Variants in LGALS4 observed in about 807,000 individuals in gnomAD.
The protein encoded by LGALS4 is galectin 4.
LGALS4 carries 37 observed loss-of-function variants against 39.6 expected under a neutral mutation model. The observed-to-expected ratio is 0.93, with a 90% confidence interval of 0.72 to 1.23. The LOEUF (loss-of-function observed/expected upper bound fraction) is 1.23, where lower values mean the gene tolerates loss of function less well. Ranked by LOEUF, LGALS4 falls within the 50% of genes most tolerant of loss-of-function variation. LGALS4 has a pLI of 0.00. For synonymous variants in LGALS4, 160 were observed against 165.5 expected, an observed-to-expected ratio of 0.97 and a Z score of 0.25; for missense variants, 397 against 433.2, an observed-to-expected ratio of 0.92 and a Z score of 0.74.
chr19:38,803,342 C>T (rs542411153), intron 7 of LGALS4, 180 bp downstream of exon 7: 2 of 641,996 alleles, frequency 3.1e-6, no homozygotes, highest in African/African-American at 3.6e-5. Context: ...TGAGAGGTCC[C>T]ACTCCTCCTG....
At chr19:38,804,499 A>C (rs1971399262) in intron 4 of LGALS4, among the ~76,000 whole-genome samples, 1 of 152,034 alleles carries the variant, frequency 6.6e-6, no homozygotes, top group Non-Finnish European at 1.5e-5. Context: ...GGCTGGTCTC[A>C]AACTCCCGAC....
intron 6 of LGALS4, 92 bp from the exon 7 acceptor site, chr19:38,803,643 G>A (rs1269203672): frequency 6.3e-7 from 1 of 1,591,882 alleles, no homozygotes; most frequent in South Asian, 1.1e-5. Flanking sequence ...CTAGGTGCTG[G>A]GTTAGTACAC....
intron 7 of LGALS4, chr19:38,803,284 T>C (rs1367324259): frequency 1.7e-6 from 1 of 588,154 alleles, no homozygotes; most frequent in Non-Finnish European, 3.0e-6. Flanking sequence ...CCCAAAGTGC[T>C]GGGATTACAG....
chr19:38,806,462 T>G lies in LGALS4; in HGVS notation c.473A>C (p.Gln158Pro). Residue 158 changes from glutamine (Q) to proline (P), a missense_variant and splice_region_variant, in exon 4 of 10, where the codon CAG (glutamine) becomes CCG (proline). Transcript: ENST00000307751. ...AAGAAGGGATGGGACCCCTCACACC[T>G]GGGGCCGGAGGGGCTGGCCTCCGAT... Reference protein sequence around the residue: ...NFIGGQPLRPQGPPMMPPYPG... With the variant: ...NFIGGQPLRPPGPPMMPPYPG... 4 of 1,614,054 alleles carry G rather than the reference T, an allele frequency of 2.5e-6. No individual in the cohort carries two copies. Among genetic ancestry groups the G allele is most frequent in the Non-Finnish European group, 3.4e-6 (4 of 1,179,932 alleles).
chr19:38,812,603 T>A (rs1384513105), intron 1 of LGALS4, 84 bp from the exon 2 acceptor site: 10 of 1,315,266 alleles, frequency 7.6e-6, no homozygotes, highest in Non-Finnish European at 1.1e-5. Context: ...CCCCAGTCCC[T>A]TAAGCAGGAG....
Position 38,801,708 on chromosome 19 carries a change from A to G in LGALS4, c.*56T>C, listed in dbSNP as rs1971357316. The G allele has an allele frequency of 6.3e-7, 1 of 1,578,796 alleles. No individual in the cohort carries two copies. Among genetic ancestry groups the G allele is most frequent in the African/African-American group, 1.4e-5 (1 of 73,910 alleles). Reference sequence around the variant, plus strand: ...CTCAGACATTTTATTAGGGGCTTAGAAAGGAGTCCTAGGGGATAATTCTGT... The same window carrying G: ...CTCAGACATTTTATTAGGGGCTTAGGAAGGAGTCCTAGGGGATAATTCTGT... On this transcript the variant is annotated 3_prime_UTR_variant, in exon 10 of 10. Transcript: ENST00000307751.
intron 5 of LGALS4, 35 bp downstream of exon 5, chr19:38,803,834 G>A (rs200363275): frequency 6.2e-7 from 1 of 1,613,024 alleles, no homozygotes; most frequent in Admixed American, 1.7e-5. Flanking sequence ...GACCCCACTA[G>A]GGAGGAAGAC....
At chr19:38,809,644 CTTTTTTTTTT>C (rs66473176) in intron 2 of LGALS4, among the ~76,000 whole-genome samples, 1 of 74,544 alleles carries the variant, frequency 1.3e-5, no homozygotes, top group African/African-American at 5.9e-5. Context: ...CTATGCCTGG[CTTTTTTTTTT>C]TTTTTTTTTT....
At position 38,801,698 on chromosome 19, in the gene LGALS4, A is replaced by G. The variant is rs911250049; in HGVS notation, c.*66T>C. ...ATGAGACACCCTCAGACATTTTATT[A>G]GGGGCTTAGAAAGGAGTCCTAGGGG... On this transcript the variant is annotated 3_prime_UTR_variant, in exon 10 of 10. Transcript: ENST00000307751. The G allele has an allele frequency of 1.3e-6, 2 of 1,545,018 alleles. No homozygotes were observed. The highest frequency in any genetic ancestry group is 3.6e-5 in the Admixed American group (2 of 55,600).
intron 2 of LGALS4, among the ~76,000 whole-genome samples, chr19:38,811,676 C>A (rs1971495152): frequency 6.6e-6 from 1 of 151,220 alleles, no homozygotes; most frequent in Non-Finnish European, 1.5e-5. Context: ...AAAAAAAAGT[C>A]CTATGAGGCC....
intron 2 of LGALS4, among the ~76,000 whole-genome samples, chr19:38,811,468 A>T (rs1324177250): frequency 6.6e-6 from 1 of 151,492 alleles, no homozygotes; most frequent in Non-Finnish European, 1.5e-5. Flanking sequence ...CTTTGTCTCT[A>T]CAAAACAAAT....
In LGALS4 at chr19:38,805,339, T is replaced by C. The variant is rs557716536; in HGVS notation, c.474+1122A>G. Among the ~76,000 whole-genome samples the C allele has an allele frequency of 1.4e-4, 21 of 152,122 alleles. 2 individuals are homozygous for C. The South Asian group carries it at 3.3e-3, about 24-fold the overall frequency. On this transcript the variant is annotated intron_variant, in intron 4 of 9. Coordinates refer to ENST00000307751, the MANE Select transcript of LGALS4 (RefSeq NM_006149.4). ...TCACTTTCTGACTCACCTTACACAC[T>C]TCCTCCTACTCCAGGAAGCACTTCC...
intron 4 of LGALS4, among the ~76,000 whole-genome samples, chr19:38,804,562 C>T (rs1971400117): frequency 6.6e-6 from 1 of 152,124 alleles, no homozygotes; most frequent in Admixed American, 6.6e-5. Flanking sequence ...TTAACTTTTA[C>T]TCTCTCTCTT....
In LGALS4 at chr19:38,802,096, T is replaced by C. The variant is rs763584736; in HGVS notation, c.721A>G (p.Met241Val). 1.2e-6 allele frequency: 2 copies of C among 1,614,164 alleles called. No individual in the cohort carries two copies. Among genetic ancestry groups the C allele is most frequent in the African/African-American group, 1.3e-5 (1 of 75,032 alleles). Residue 241 changes from methionine (M) to valine (V), a missense_variant, in exon 9 of 10, where the codon ATG (methionine) becomes GTG (valine). Physicochemically the swap from Met to Val is conservative, Grantham distance 21 (BLOSUM62 1). Coordinates refer to ENST00000307751, the MANE Select transcript of LGALS4 (RefSeq NM_006149.4). Reference protein sequence around the residue: ...GDIALHINPRMGNGTVVRNSL... With the variant: ...GDIALHINPRVGNGTVVRNSL... ...TTCCGGACCACGGTACCGTTGCCCA[T>C]GCGGGGATTAATGTGCAGAGCTATG... is the stretch of plus-strand genomic sequence containing the variant.
At chr19:38,806,274 AG>A (rs1270684157) in intron 4 of LGALS4, among the ~76,000 whole-genome samples, 186 bp downstream of exon 4, 1 of 151,694 alleles carries the variant, frequency 6.6e-6, no homozygotes, top group Admixed American at 6.6e-5. Flanking sequence ...AGGCTGAGGC[AG>A]GAGAATGGCG....
At chr19:38,812,087 T>G (rs1971500551) in intron 2 of LGALS4, among the ~76,000 whole-genome samples, 1 of 152,116 alleles carries the variant, frequency 6.6e-6, no homozygotes, top group African/African-American at 2.4e-5. Flanking sequence ...TATAGTCACT[T>G]TCACTCTTTC....
At position 38,803,559 on chromosome 19, in the gene LGALS4, G is replaced by A. The variant is rs369738248; in HGVS notation, c.541-8C>T. On this transcript the variant is annotated splice_region_variant and splice_polypyrimidine_tract_variant and intron_variant, in intron 6 of 9. Coordinates refer to ENST00000307751, the MANE Select transcript of LGALS4 (RefSeq NM_006149.4). Reference sequence around the variant, plus strand: ...TGGGGGTCCTTCCATGGTCTGTGAAGTGAGGAAGAAGCGATATTATTCTCC... The same window carrying A: ...TGGGGGTCCTTCCATGGTCTGTGAAATGAGGAAGAAGCGATATTATTCTCC... 2 of 1,613,976 alleles carry A rather than the reference G, an allele frequency of 1.2e-6. No individual in the cohort carries two copies. Among genetic ancestry groups the A allele is most frequent in the Non-Finnish European group, 1.7e-6 (2 of 1,179,852 alleles).
intron 4 of LGALS4, 130 bp downstream of exon 4, chr19:38,806,331 G>T (rs1013269737): frequency 1.6e-5 from 16 of 1,008,556 alleles, no homozygotes; most frequent in Admixed American, 7.1e-5. Context: ...TCGCGCCACT[G>T]CACTCCAACC....
At chr19:38,802,509 A>G in intron 7 of LGALS4, 105 bp from the exon 8 acceptor site, 1 of 843,234 alleles carries the variant, frequency 1.2e-6, no homozygotes. Flanking sequence ...TTTTTTTCTT[A>G]TAAGAGATGG....
Sources: gnomAD v4.1 joint callset for allele counts (sites outside exome capture counted in the v4.1 genomes callset) on GRCh38, gnomAD v4.1.1 for gene constraint, MANE v1.5 for transcripts, NCBI Gene and HGNC (gene_info 2026-07-23, HGNC 2026-07-21) for gene names.